IL36G: variants seen among roughly 807,000 people sequenced by gnomAD.
IL36G encodes the protein interleukin 36 gamma.
A neutral mutation model predicts 13.5 loss-of-function variants in IL36G; 10 were observed. The observed-to-expected ratio is 0.74, with a 90% CI of 0.46 to 1.26. IL36G has a LOEUF of 1.26. Among genes scored for constraint, IL36G ranks in the 50% most tolerant of loss-of-function variants. The pLI, the probability that IL36G is intolerant of heterozygous loss-of-function variation, is 0.00. For synonymous variants in IL36G, 84 were observed against 74.0 expected (o/e 1.13, Z -0.69); for missense variants, 199 against 203.0 (o/e 0.98, Z 0.12).
chr2:112,981,582 A>T, intron 4 of IL36G: 1 of 355,380 alleles, frequency 2.8e-6, no homozygotes. Flanking sequence ...TCATTTCTTC[A>T]AGTATATTCT....
rs749031338 is a variant in IL36G, at chr2:112,985,060, G to A, written c.*11G>A. ...AATATAAATGACTGAACTCAGCCTA[G>A]AGGTGGCAGCTTGGTCTTTGTCTTA... On this transcript the variant is annotated 3_prime_UTR_variant, in exon 5 of 5. Transcript: ENST00000259205. The A allele has an allele frequency of 2.2e-5, 35 of 1,593,624 alleles. No individual in the cohort carries two copies. The highest frequency in any genetic ancestry group is 1.7e-4 in the Middle Eastern group (1 of 5,716).
intron 4 of IL36G, among the ~76,000 whole-genome samples, chr2:112,982,251 C>G (rs891588386): frequency 6.6e-6 from 1 of 152,116 alleles, no homozygotes; most frequent in Non-Finnish European, 1.5e-5. Flanking sequence ...GAGATGTTAG[C>G]AGGGAGTAGA....
chr2:112,983,956 G>A (rs1451381968), intron 4 of IL36G, among the ~76,000 whole-genome samples: 3 of 152,098 alleles, frequency 2.0e-5, no homozygotes, highest in Admixed American at 2.0e-4. Context: ...GAAGTGACTC[G>A]ATTCAGGAAA....
chr2:112,981,824 T>TTCAA (rs995225693), intron 4 of IL36G, among the ~76,000 whole-genome samples: 99 of 152,342 alleles, frequency 6.5e-4, no homozygotes, highest in African/African-American at 2.3e-3. Flanking sequence ...TTCCTGAAAT[T>TTCAA]TCAATCTTTA....
At chr2:112,978,524 A>T (rs576983313) in intron 1 of IL36G, 96 bp from the exon 2 acceptor site, 250 of 987,416 alleles carry the variant, frequency 2.5e-4, no homozygotes, top group Middle Eastern at 4.2e-4. Context: ...CAGGTTTCCC[A>T]GCTCCCTGTC....
intron 4 of IL36G, among the ~76,000 whole-genome samples, chr2:112,982,884 T>C (rs142562716): frequency 3.1e-4 from 47 of 152,184 alleles, no homozygotes; most frequent in Admixed American, 4.6e-4. Flanking sequence ...AGACAGCAGA[T>C]ATGGACAGCG....
chr2:112,985,243 G>A lies in IL36G; in HGVS notation c.*194G>A, dbSNP rs1684331114. The stretch of plus-strand genomic sequence containing the variant: ...TGAAGAACAGGATGTGGCCTCAGAA[G>A]CAGGAGAGCTGGGTGGTATAAGGCT... On this transcript the variant is annotated 3_prime_UTR_variant, in exon 5 of 5. Coordinates refer to ENST00000259205, the MANE Select transcript of IL36G (RefSeq NM_019618.4). 5.2e-6 allele frequency: 3 copies of A among 572,502 alleles called. No individual in the cohort carries two copies. Among genetic ancestry groups the A allele is most frequent in the Non-Finnish European group, 3.1e-6 (1 of 321,480 alleles). The allele number at this position is 572,502 out of a possible 1,614,324, so 35.5% of individuals were successfully genotyped here.
intron 4 of IL36G, among the ~76,000 whole-genome samples, chr2:112,983,774 G>A (rs1183878303): frequency 6.6e-6 from 1 of 152,030 alleles, no homozygotes; most frequent in African/African-American, 2.4e-5. Context: ...CATGCAAAAG[G>A]GTATCATAAT....
chr2:112,982,486 C>T (rs1242146598), intron 4 of IL36G, among the ~76,000 whole-genome samples: 1 of 152,140 alleles, frequency 6.6e-6, no homozygotes, highest in East Asian at 1.9e-4. Flanking sequence ...TAAAAAGGAT[C>T]TCTCTGGAGA....
intron 4 of IL36G, among the ~76,000 whole-genome samples, chr2:112,982,407 T>C (rs28954068): frequency 6.0e-4 from 91 of 152,342 alleles, no homozygotes; most frequent in Non-Finnish European, 1.2e-3. Context: ...GACTCAGCCT[T>C]GCAATCTGAG....
chr2:112,979,118 A>G (rs767337028), intron 2 of IL36G, 103 bp from the exon 3 acceptor site: 23 of 713,836 alleles, frequency 3.2e-5, no homozygotes, highest in Middle Eastern at 2.4e-4. Context: ...CAAACCCCAC[A>G]CCTTCCTTAC....
intron 3 of IL36G, 40 bp from the exon 4 acceptor site, chr2:112,979,969 C>G (rs1435721193): frequency 6.3e-7 from 1 of 1,598,348 alleles, no homozygotes; most frequent in Non-Finnish European, 8.5e-7. Context: ...TTTCTGACTT[C>G]AAAAGGAAAC....
chr2:112,981,866 C>A lies in IL36G; in HGVS notation c.300+1718C>A, dbSNP rs531156946. On this transcript the variant is annotated intron_variant, in intron 4 of 4. Transcript: ENST00000259205. The stretch of plus-strand genomic sequence containing the variant: ...TAATTCCCAAGCTCTCTGGTTTGTT[C>A]TTTTTTTATTTTTTAATGACTGTTT... Among the ~76,000 whole-genome samples, 21 of 152,206 alleles carry A rather than the reference C, an allele frequency of 1.4e-4. No homozygotes were observed. In the East Asian group the frequency reaches 4.1e-3, roughly 29 times the overall value.
In IL36G at chr2:112,984,890, C is replaced by T; in HGVS notation, c.351C>T (p.Phe117=). ...GCCAACCCGAGCCCGTGAAACCCTT[C>T]CTTTTCTACCGTGCCAAGACTGGTA... ...LYGQPEPVKP[F]LFYRAKTGRT... The change falls in exon 5 of 5, where the codon TTC becomes TTT. Residue 117 remains phenylalanine (F), a synonymous_variant. Transcript: ENST00000259205. 4.3e-6 allele frequency: 7 copies of T among 1,614,180 alleles called. No homozygotes were observed. Among genetic ancestry groups the T allele is most frequent in the Non-Finnish European group, 5.9e-6 (7 of 1,180,026 alleles).
intron 1 of IL36G, among the ~76,000 whole-genome samples, chr2:112,978,294 G>T (rs755728141): frequency 6.6e-6 from 1 of 152,224 alleles, no homozygotes; most frequent in Non-Finnish European, 1.5e-5. Flanking sequence ...GCCGATGAAG[G>T]GGTGGAGGCT....
chr2:112,984,570 CTTG>C (rs1245532923), intron 4 of IL36G, among the ~76,000 whole-genome samples: 14 of 152,276 alleles, frequency 9.2e-5, no homozygotes, highest in African/African-American at 2.6e-4. Context: ...AGAGTTCTAA[CTTG>C]TTGTTCAAGT....
intron 4 of IL36G, among the ~76,000 whole-genome samples, chr2:112,980,812 A>G (rs893265457): frequency 1.3e-5 from 2 of 152,224 alleles, no homozygotes; most frequent in African/African-American, 4.8e-5. Context: ...TGAAAGATGG[A>G]AAGGGAGAAG....
chr2:112,981,295 C>G (rs1482955094), intron 4 of IL36G: 5 of 1,201,326 alleles, frequency 4.2e-6, no homozygotes, highest in Non-Finnish European at 6.1e-6. Flanking sequence ...TCTCTCCCTT[C>G]TTTGCAGGGG....
rs113895847 is a variant in IL36G at position 112,984,832 on chromosome 2, C to A, written c.301-8C>A. 2.2e-5 allele frequency: 36 copies of A among 1,611,742 alleles called. No individual in the cohort carries two copies. In the African/African-American group the frequency reaches 2.3e-4, roughly 10 times the overall value. On this transcript the variant is annotated splice_polypyrimidine_tract_variant and splice_region_variant and intron_variant, in intron 4 of 4. Coordinates refer to ENST00000259205, the MANE Select transcript of IL36G (RefSeq NM_019618.4). Reference sequence around the variant, plus strand: ...TTCTCCTAATGGGTACTTGTTCTGACATTTCAGGAGCAGAAGATCATGGAT... The same window carrying A: ...TTCTCCTAATGGGTACTTGTTCTGAAATTTCAGGAGCAGAAGATCATGGAT...
Sources: allele counts gnomAD v4.1 joint callset (sites outside exome capture counted in the v4.1 genomes callset), GRCh38; gene constraint gnomAD v4.1.1; transcripts MANE v1.5; gene names NCBI Gene and HGNC (gene_info 2026-07-23, HGNC 2026-07-21).